Variants in ERC2 observed in about 807,000 individuals in gnomAD.
ERC2 encodes ELKS/RAB6-interacting/CAST family member 2.
In ERC2, 42 loss-of-function variants were observed where a neutral mutation model predicts 114.8. That is an observed-to-expected ratio of 0.37 (90% confidence interval 0.29 to 0.47). ERC2 has a LOEUF of 0.47. Among genes scored for constraint, ERC2 ranks in the 20% least tolerant of loss-of-function variants. The probability of loss-of-function intolerance (pLI) is 0.99; values close to 1 mark genes in which losing one functional copy is unlikely to be tolerated. For synonymous variants in ERC2, 454 were observed against 425.5 expected, an observed-to-expected ratio of 1.07 and a Z score of -0.82; for missense variants, 939 against 1,150.7, an observed-to-expected ratio of 0.82 and a Z score of 2.66.
At chr3:56,312,363 G>T (rs1055452439) in intron 2 of ERC2, among the ~76,000 whole-genome samples, 9 of 152,066 alleles carry the variant, frequency 5.9e-5, no homozygotes, top group Non-Finnish European at 2.9e-5. Flanking sequence ...TTGGTCAATG[G>T]GTACAAACAT....
At chr3:56,271,230 C>G (rs1416087908) in intron 3 of ERC2, among the ~76,000 whole-genome samples, 2 of 152,122 alleles carry the variant, frequency 1.3e-5, no homozygotes, top group African/African-American at 4.8e-5. Context: ...CAGGATTTCC[C>G]CAGCCTTAAT....
chr3:55,663,622 T>C (rs1389778331), intron 17 of ERC2, among the ~76,000 whole-genome samples: 2 of 152,190 alleles, frequency 1.3e-5, no homozygotes, highest in Non-Finnish European at 2.9e-5. Flanking sequence ...CCCCTTCCTT[T>C]CGGAGGGCAA....
intron 2 of ERC2, among the ~76,000 whole-genome samples, chr3:56,378,843 G>T (rs1484573707): frequency 2.0e-5 from 3 of 152,140 alleles, no homozygotes; most frequent in Admixed American, 6.5e-5. Flanking sequence ...ACTGTGATTT[G>T]GCAGATGTAC....
At chr3:55,685,477 T>C (rs2062279445) in intron 16 of ERC2, among the ~76,000 whole-genome samples, 1 of 152,362 alleles carries the variant, frequency 6.6e-6, no homozygotes, top group Non-Finnish European at 1.5e-5. Context: ...AGGAAAAATG[T>C]ATTTTTACAT....
At chr3:56,394,154 G>C (rs1395546728) in intron 2 of ERC2, among the ~76,000 whole-genome samples, 1 of 152,196 alleles carries the variant, frequency 6.6e-6, no homozygotes, top group Non-Finnish European at 1.5e-5. Context: ...CAAAGCAGAA[G>C]TGAAAACTAT....
At chr3:55,901,253 C>A (rs2064120755) in intron 13 of ERC2, among the ~76,000 whole-genome samples, 1 of 152,132 alleles carries the variant, frequency 6.6e-6, no homozygotes, top group Non-Finnish European at 1.5e-5. Context: ...TTTCAGTTTT[C>A]CATTATTGTA....
At chr3:56,065,584 G>A (rs1408380222) in intron 7 of ERC2, among the ~76,000 whole-genome samples, 1 of 151,648 alleles carries the variant, frequency 6.6e-6, no homozygotes, top group African/African-American at 2.4e-5. Flanking sequence ...GTGCAGGTTT[G>A]TTGCATAGGT....
chr3:55,811,340 G>A (rs1052554134), intron 14 of ERC2, among the ~76,000 whole-genome samples: 1 of 151,418 alleles, frequency 6.6e-6, no homozygotes, highest in African/African-American at 2.5e-5. Flanking sequence ...GAGCTTTTAG[G>A]TACTCTCTCT....
At chr3:55,749,016 G>T (rs565813931) in intron 14 of ERC2, among the ~76,000 whole-genome samples, 3 of 152,120 alleles carry the variant, frequency 2.0e-5, no homozygotes, top group Non-Finnish European at 2.9e-5. Context: ...AGATGTAAAA[G>T]GTTGAGGTAA....
chr3:55,726,661 G>A (rs761335959), intron 15 of ERC2, among the ~76,000 whole-genome samples: 1 of 152,142 alleles, frequency 6.6e-6, no homozygotes, highest in Non-Finnish European at 1.5e-5. Flanking sequence ...GACAACACAG[G>A]GCAGAGAGGC....
At chr3:56,064,480 C>T (rs557680776) in intron 7 of ERC2, among the ~76,000 whole-genome samples, 2 of 152,300 alleles carry the variant, frequency 1.3e-5, no homozygotes, top group South Asian at 4.1e-4. Context: ...CACTCCATGT[C>T]AATGAGTGCT....
chr3:56,147,225 G>A (rs372324131), intron 5 of ERC2, among the ~76,000 whole-genome samples: 15 of 152,298 alleles, frequency 9.8e-5, no homozygotes, highest in East Asian at 7.7e-4. Context: ...TGTGCTTGCC[G>A]AACCTCGGCT....
At chr3:56,343,240 AACAC>A (rs139548754) in intron 2 of ERC2, among the ~76,000 whole-genome samples, 1 of 129,710 alleles carries the variant, frequency 7.7e-6, no homozygotes, top group South Asian at 2.4e-4. Flanking sequence ...CACATACACA[AACAC>A]ACACACACAC....
intron 12 of ERC2, among the ~76,000 whole-genome samples, chr3:55,974,783 G>A (rs545231698): frequency 3.9e-5 from 6 of 152,140 alleles, no homozygotes; most frequent in South Asian, 4.2e-4. Context: ...TTCACATTCC[G>A]GCTCAAGAGA....
At chr3:56,254,288 A>G (rs1334061772) in intron 3 of ERC2, among the ~76,000 whole-genome samples, 1 of 152,116 alleles carries the variant, frequency 6.6e-6, no homozygotes, top group Non-Finnish European at 1.5e-5. Context: ...CCCAACAACT[A>G]TACTCAGCCC....
At chr3:55,580,429 A>C (rs2057203409) in intron 17 of ERC2, among the ~76,000 whole-genome samples, 1 of 152,224 alleles carries the variant, frequency 6.6e-6, no homozygotes, top group Non-Finnish European at 1.5e-5. Flanking sequence ...GGATGGGACC[A>C]AGAGAGACCA....
chr3:56,414,138 A>G (rs1390117261), intron 2 of ERC2, among the ~76,000 whole-genome samples: 1 of 152,200 alleles, frequency 6.6e-6, no homozygotes, highest in African/African-American at 2.4e-5. Flanking sequence ...CCTCCCCCGC[A>G]AAGCATGTTC....
chr3:56,307,101 T>C (rs1019420666), intron 2 of ERC2, among the ~76,000 whole-genome samples: 1 of 152,146 alleles, frequency 6.6e-6, no homozygotes, highest in East Asian at 1.9e-4. Flanking sequence ...TATCACAGGA[T>C]CCAGACAGGA....
intron 17 of ERC2, among the ~76,000 whole-genome samples, chr3:55,635,357 T>A (rs531105089): frequency 6.6e-6 from 1 of 152,208 alleles, no homozygotes; most frequent in East Asian, 1.9e-4. Context: ...TGAAATCATA[T>A]CATTATGAGG....
Sources: gnomAD v4.1 joint callset for allele counts (sites outside exome capture counted in the v4.1 genomes callset) on GRCh38, gnomAD v4.1.1 for gene constraint, MANE v1.5 for transcripts, NCBI Gene and HGNC (gene_info 2026-07-23, HGNC 2026-07-21) for gene names.